The following ERBB4 variants were observed in gnomAD, a reference collection of about 807,000 sequenced individuals.
ERBB4 encodes receptor tyrosine-protein kinase erbB-4.
Under a neutral mutation model 158.0 loss-of-function variants are expected in ERBB4, and 42 were observed. The ratio of observed to expected loss-of-function variants is 0.27; its 90% confidence interval spans 0.21 to 0.34. The LOEUF is 0.34. Among genes scored for constraint, ERBB4 ranks in the 10% least tolerant of loss-of-function variants. ERBB4 has a pLI of 1.00. For missense variants in ERBB4, 1,333 were observed against 1,624.1 expected (o/e 0.82, Z 3.08); for synonymous variants, 583 against 558.7 (o/e 1.04, Z -0.61).
intron 1 of ERBB4, among the ~76,000 whole-genome samples, chr2:212,363,923 G>T (rs1434288912): frequency 6.6e-6 from 1 of 151,606 alleles, no homozygotes; most frequent in Admixed American, 6.6e-5. Flanking sequence ...ATGGAAAGAG[G>T]ATCAAGGATC....
chr2:211,435,873 T>G (rs2063840658), intron 20 of ERBB4, among the ~76,000 whole-genome samples: 1 of 152,246 alleles, frequency 6.6e-6, no homozygotes, highest in African/African-American at 2.4e-5. Context: ...GTCTACATTT[T>G]TAAGCCTATC....
intron 5 of ERBB4, among the ~76,000 whole-genome samples, chr2:211,741,196 T>C (rs1221695044): frequency 6.6e-6 from 1 of 152,192 alleles, no homozygotes; most frequent in Non-Finnish European, 1.5e-5. Context: ...CTAATGACAG[T>C]CAGCTCTTCT....
chr2:211,547,326 C>T (rs980401123), intron 20 of ERBB4, among the ~76,000 whole-genome samples: 8 of 152,084 alleles, frequency 5.3e-5, no homozygotes, highest in Admixed American at 5.2e-4. Context: ...ATCTGTGTTT[C>T]ATCTTCAGTC....
At chr2:212,315,051 G>A (rs538354859) in intron 1 of ERBB4, among the ~76,000 whole-genome samples, 8 of 151,368 alleles carry the variant, frequency 5.3e-5, no homozygotes, top group Non-Finnish European at 7.4e-5. Flanking sequence ...CAGGAGCTTT[G>A]AGCATTATTA....
chr2:211,748,620 G>T (rs1489099182), intron 5 of ERBB4, among the ~76,000 whole-genome samples: 1 of 152,212 alleles, frequency 6.6e-6, no homozygotes, highest in Non-Finnish European at 1.5e-5. Context: ...CTGAGACAGG[G>T]TGTGGTTGGG....
chr2:212,285,323 T>C (rs1574598352), intron 1 of ERBB4, among the ~76,000 whole-genome samples: 1 of 152,022 alleles, frequency 6.6e-6, no homozygotes, highest in African/African-American at 2.4e-5. Context: ...ACAAAATTAT[T>C]TCTCACCCCT....
intron 2 of ERBB4, among the ~76,000 whole-genome samples, chr2:212,003,189 GAAAGAAAGAAAGAAAGACAGAAA>G (rs1559293283): frequency 1.2e-4 from 8 of 68,094 alleles, no homozygotes; most frequent in African/African-American, 1.7e-4. Context: ...AAGAAAGAAA[GAAAGAAAGAAAGAAAGACAGAAA>G]GAAGGAAGGA....
chr2:211,672,223 T>C (rs778534640), intron 14 of ERBB4, among the ~76,000 whole-genome samples: 3 of 152,190 alleles, frequency 2.0e-5, no homozygotes, highest in Non-Finnish European at 4.4e-5. Context: ...AAATTTTCAA[T>C]GAAATTGTAC....
intron 2 of ERBB4, among the ~76,000 whole-genome samples, chr2:212,081,297 T>C (rs1269545249): frequency 6.6e-6 from 1 of 152,296 alleles, no homozygotes; most frequent in South Asian, 2.1e-4. Context: ...AGCATCTTGC[T>C]TTGTAATCCT....
At chr2:211,397,806 C>T (rs763489144) in intron 25 of ERBB4, among the ~76,000 whole-genome samples, 19 of 152,314 alleles carry the variant, frequency 1.2e-4, no homozygotes, top group Middle Eastern at 3.4e-3. Flanking sequence ...ATCAGCAACT[C>T]ACACTCCAAA....
chr2:211,776,898 G>C (rs1478933360), intron 4 of ERBB4, among the ~76,000 whole-genome samples: 2 of 152,122 alleles, frequency 1.3e-5, no homozygotes, highest in African/African-American at 4.8e-5. Context: ...TATTTGGTAG[G>C]AGGGCCTTAA....
chr2:211,874,317 G>A (rs532464379), intron 3 of ERBB4, among the ~76,000 whole-genome samples: 4 of 152,214 alleles, frequency 2.6e-5, no homozygotes, highest in Non-Finnish European at 5.9e-5. Flanking sequence ...TCTGAATAGA[G>A]AACTGTAATC....
intron 2 of ERBB4, among the ~76,000 whole-genome samples, chr2:212,084,207 C>G (rs1362658578): frequency 6.6e-6 from 1 of 151,926 alleles, no homozygotes; most frequent in Non-Finnish European, 1.5e-5. Context: ...TAATTTACTC[C>G]ACTTTATCCT....
At chr2:211,926,997 C>T (rs1460581618) in intron 3 of ERBB4, among the ~76,000 whole-genome samples, 2 of 152,160 alleles carry the variant, frequency 1.3e-5, no homozygotes, top group African/African-American at 4.8e-5. Context: ...GGAAGTATTA[C>T]TCTAGTGAGA....
chr2:212,335,513 T>C (rs2088392609), intron 1 of ERBB4, among the ~76,000 whole-genome samples: 1 of 152,006 alleles, frequency 6.6e-6, no homozygotes, highest in South Asian at 2.1e-4. Context: ...AAATTATGTA[T>C]GAAAAACCTT....
chr2:212,183,921 A>G (rs1239555518), intron 1 of ERBB4, among the ~76,000 whole-genome samples: 4 of 152,066 alleles, frequency 2.6e-5, no homozygotes, highest in Admixed American at 2.6e-4. Context: ...TTCATTTTGA[A>G]TTTGTGATTT....
chr2:211,887,456 C>T (rs1429608563), intron 3 of ERBB4, among the ~76,000 whole-genome samples: 1 of 152,152 alleles, frequency 6.6e-6, no homozygotes, highest in South Asian at 2.1e-4. Flanking sequence ...CCATCCTGAT[C>T]ATTTCATTCA....
At chr2:212,207,459 G>A (rs968383871) in intron 1 of ERBB4, among the ~76,000 whole-genome samples, 22 of 152,096 alleles carry the variant, frequency 1.4e-4, no homozygotes, top group African/African-American at 5.1e-4. Context: ...TTTGTCTGTC[G>A]CCATGTGCTA....
chr2:211,616,051 C>G (rs2069375504), intron 19 of ERBB4, among the ~76,000 whole-genome samples: 1 of 152,106 alleles, frequency 6.6e-6, no homozygotes, highest in South Asian at 2.1e-4. Flanking sequence ...TTGGAACACT[C>G]TACCATAGTG....
Sources: gnomAD v4.1 joint callset for allele counts (sites outside exome capture counted in the v4.1 genomes callset) on GRCh38, gnomAD v4.1.1 for gene constraint, MANE v1.5 for transcripts, NCBI Gene and HGNC (gene_info 2026-07-23, HGNC 2026-07-21) for gene names.